The following PHLDB2 variants were observed in gnomAD, a reference collection of about 807,000 sequenced individuals.
PHLDB2 encodes pleckstrin homology like domain family B member 2, also known as pleckstrin homology-like domain family B member 2.
In PHLDB2, 71 loss-of-function variants were observed where a neutral mutation model predicts 123.6. The ratio of observed to expected loss-of-function variants is 0.57; its 90% CI spans 0.47 to 0.70. The LOEUF is 0.70. Ranked by LOEUF, PHLDB2 falls within the 30% of genes least tolerant of loss-of-function variation. The pLI is 0.00. For missense variants in PHLDB2, 1,446 were observed against 1,519.5 expected (o/e 0.95, Z 0.80); for synonymous variants, 547 against 541.6 (o/e 1.01, Z -0.14).
intron 1 of PHLDB2, among the ~76,000 whole-genome samples, chr3:111,793,209 C>T (rs755542665): frequency 5.3e-4 from 81 of 152,166 alleles, no homozygotes; most frequent in Non-Finnish European, 8.5e-4. Flanking sequence ...ATCTACCTGG[C>T]GCTCTATTCT....
At chr3:111,950,265 A>G (rs765274553) in intron 10 of PHLDB2, among the ~76,000 whole-genome samples, 6 of 152,230 alleles carry the variant, frequency 3.9e-5, no homozygotes, top group Non-Finnish European at 8.8e-5. Context: ...TATTATACAT[A>G]GTTGAAACCA....
At chr3:111,856,409 T>C (rs1462452441), upstream of PHLDB2, among the ~76,000 whole-genome samples, 1 of 152,228 alleles carries the variant, frequency 6.6e-6, no homozygotes, top group Admixed American at 6.5e-5. Context: ...TTCTCTGTGA[T>C]TCCTTTTTTA....
chr3:111,936,890 G>C (rs1262397360), intron 6 of PHLDB2, among the ~76,000 whole-genome samples: 1 of 152,196 alleles, frequency 6.6e-6, no homozygotes, highest in African/African-American at 2.4e-5. Context: ...ATGTCAGCCA[G>C]TGTATTATTT....
intron 1 of PHLDB2, among the ~76,000 whole-genome samples, chr3:111,739,441 C>T (rs1406672014): frequency 1.3e-5 from 2 of 151,990 alleles, no homozygotes; most frequent in East Asian, 1.9e-4. Flanking sequence ...TTAAAGGTGA[C>T]GTGACTTGCC....
chr3:111,745,096 A>G (rs1275792749), intron 1 of PHLDB2, among the ~76,000 whole-genome samples: 1 of 152,220 alleles, frequency 6.6e-6, no homozygotes, highest in Non-Finnish European at 1.5e-5. Flanking sequence ...CAGAAAACAA[A>G]TGGGACAGAG....
rs763092594 is a variant in PHLDB2, at chr3:111,884,231, A to C, written c.154A>C (p.Asn52His). 5.0e-6 allele frequency: 8 copies of C among 1,614,192 alleles called. No homozygotes were observed. Among genetic ancestry groups the C allele is most frequent in the Middle Eastern group, 1.6e-4 (1 of 6,062 alleles). ...CTCTTCCAGTCTGAGATTTAAAGCC[A>C]ATGGAGACTATTCTGGCTCCTATTT... The part of the protein sequence containing the change: ...KYSSSLRFKA[N>H]GDYSGSYLTL... Residue 52 changes from asparagine (N) to histidine (H), a missense_variant, in exon 2 of 18, where the codon AAT becomes CAT. This residue lies in a region of PHLDB2 where 832 missense variants were observed against 831.9 expected (regional missense o/e 1.00). Coordinates refer to ENST00000431670, the MANE Select transcript of PHLDB2 (RefSeq NM_001134438.2).
chr3:111,926,434 C>T (rs949861484), intron 5 of PHLDB2, among the ~76,000 whole-genome samples: 1 of 152,134 alleles, frequency 6.6e-6, no homozygotes, highest in Admixed American at 6.5e-5. Context: ...CAGCCCTTCC[C>T]GTGCCTCTTT....
chr3:111,932,899 C>G (rs2069223393), intron 6 of PHLDB2, among the ~76,000 whole-genome samples: 1 of 152,160 alleles, frequency 6.6e-6, no homozygotes, highest in African/African-American at 2.4e-5. Flanking sequence ...TAGCCCAATC[C>G]CAACAATTAA....
At chr3:111,753,826 A>G (rs1253357387) in intron 1 of PHLDB2, among the ~76,000 whole-genome samples, 4 of 152,252 alleles carry the variant, frequency 2.6e-5, no homozygotes, top group South Asian at 2.1e-4. Flanking sequence ...TAATTTTTGT[A>G]TATGGTGTAA....
At chr3:111,746,822 T>C (rs557139145) in intron 1 of PHLDB2, among the ~76,000 whole-genome samples, 2 of 152,324 alleles carry the variant, frequency 1.3e-5, no homozygotes, top group Admixed American at 6.5e-5. Flanking sequence ...AGGCAACTTT[T>C]TGGTATTTTA....
At chr3:111,837,003 A>T (rs1396870799) in intron 1 of PHLDB2, among the ~76,000 whole-genome samples, 3 of 152,144 alleles carry the variant, frequency 2.0e-5, no homozygotes, top group African/African-American at 7.2e-5. Context: ...GAGAACCTGG[A>T]TTTAGTGTCT....
intron 1 of PHLDB2, among the ~76,000 whole-genome samples, chr3:111,835,776 C>T (rs1043696938): frequency 6.6e-6 from 1 of 152,186 alleles, no homozygotes; most frequent in East Asian, 1.9e-4. Flanking sequence ...GAGCTGTCAC[C>T]AGGAACACCT....
At position 111,885,027 on chromosome 3, in the gene PHLDB2, C is replaced by T; in HGVS notation, c.950C>T (p.Ser317Phe). The T allele has an allele frequency of 6.2e-7, 1 of 1,614,206 alleles. No individual in the cohort carries two copies. Among genetic ancestry groups the T allele is most frequent in the Admixed American group, 1.7e-5 (1 of 60,026 alleles). Residue 317 changes from serine to phenylalanine, a missense_variant, in exon 2 of 18, where the codon TCT becomes TTT. Physicochemically the swap from Ser to Phe is radical, Grantham distance 155. Around this residue, in one of 3 missense-constraint regions of PHLDB2, gnomAD observed 832 missense variants for 831.9 expected, o/e 1.00. Coordinates refer to ENST00000431670, the MANE Select transcript of PHLDB2 (RefSeq NM_001134438.2). The part of the protein sequence containing the change: ...LSSGALPYKT[S>F]ASEGNPYVSS... ...TCAGGGGCTTTACCCTATAAAACCTCTGCTTCTGAAGGCAATCCTTATGTA... is the reference window on the plus strand; with the variant it reads ...TCAGGGGCTTTACCCTATAAAACCTTTGCTTCTGAAGGCAATCCTTATGTA...
chr3:111,778,927 T>C (rs2108076050), intron 1 of PHLDB2, among the ~76,000 whole-genome samples: 1 of 152,244 alleles, frequency 6.6e-6, no homozygotes, highest in South Asian at 2.1e-4. Context: ...ACAGAGTTCC[T>C]TACTGATTCC....
intron 1 of PHLDB2, among the ~76,000 whole-genome samples, chr3:111,771,009 A>C (rs2060167727): frequency 6.6e-6 from 1 of 152,180 alleles, no homozygotes; most frequent in Non-Finnish European, 1.5e-5. Flanking sequence ...GTTTCTCCCA[A>C]GGCTCTGCAC....
At chr3:111,822,251 G>GA (rs11411697) in intron 1 of PHLDB2, among the ~76,000 whole-genome samples, 23,340 of 146,928 alleles carry the variant, frequency 0.16, 2,388 homozygotes, top group East Asian at 0.31. Context: ...CTTTGCATCA[G>GA]AAAAAAAAAA....
At chr3:111,942,476 T>G (rs1432301132) in intron 8 of PHLDB2, among the ~76,000 whole-genome samples, 1 of 152,204 alleles carries the variant, frequency 6.6e-6, no homozygotes, top group African/African-American at 2.4e-5. Flanking sequence ...GTGGTGAAAA[T>G]TTTGAGTTGG....
intron 1 of PHLDB2, chr3:111,779,775 A>G: frequency 1.2e-6 from 1 of 853,690 alleles, no homozygotes; most frequent in Non-Finnish European, 1.4e-6. Flanking sequence ...GCAGAATGCA[A>G]AAATCTATAC....
At chr3:111,760,164 T>G (rs1324698020) in intron 1 of PHLDB2, among the ~76,000 whole-genome samples, 1 of 152,244 alleles carries the variant, frequency 6.6e-6, no homozygotes, top group African/African-American at 2.4e-5. Flanking sequence ...TGACTGATAT[T>G]CTTTCAGTAT....
Sources: gnomAD v4.1 joint callset for allele counts (sites outside exome capture counted in the v4.1 genomes callset) on GRCh38, gnomAD v4.1.1 for gene constraint, gnomAD v4.1.1 regional missense constraint, MANE v1.5 for transcripts, NCBI Gene and HGNC (gene_info 2026-07-23, HGNC 2026-07-21) for gene names.